DACH1: variants seen among roughly 807,000 people sequenced by gnomAD.
DACH1 encodes dachshund family transcription factor 1.
A neutral mutation model predicts 54.2 loss-of-function variants in DACH1; 12 were observed. That is an observed-to-expected ratio of 0.22 (90% CI 0.14 to 0.36). The LOEUF (loss-of-function observed/expected upper bound fraction) is 0.36. Ranked by LOEUF, DACH1 falls within the 10% of genes least tolerant of loss-of-function variation. DACH1 has a pLI of 1.00. For synonymous variants in DACH1, 386 were observed against 366.2 expected (o/e 1.05, Z -0.62); for missense variants, 805 against 929.8 (o/e 0.87, Z 1.75).
rs1185591101 is a variant in DACH1 at position 71,638,944 on chromosome 13, C to T, written c.965-8227G>A. Reference sequence around the variant, plus strand: ...CATCAAAAAGCATAGTTCAATTCAACAGTCATTACTGTGAAGTAATCTTTC... The same window carrying T: ...CATCAAAAAGCATAGTTCAATTCAATAGTCATTACTGTGAAGTAATCTTTC... On this transcript the variant is annotated intron_variant, in intron 2 of 10. Transcript: ENST00000613252. Among the ~76,000 whole-genome samples, 4 of 152,236 alleles carry T rather than the reference C, an allele frequency of 2.6e-5. No homozygotes were observed. In the East Asian group the frequency reaches 7.7e-4, roughly 29 times the overall value.
chr13:71,519,477 G>T (rs1175143224), intron 6 of DACH1, among the ~76,000 whole-genome samples: 1 of 151,448 alleles, frequency 6.6e-6, no homozygotes, highest in Non-Finnish European at 1.5e-5. Context: ...TTCTCCATTA[G>T]GCAGGTTTCC....
At chr13:71,732,797 C>A (rs543460001) in intron 1 of DACH1, among the ~76,000 whole-genome samples, 17 of 152,172 alleles carry the variant, frequency 1.1e-4, no homozygotes, top group South Asian at 4.2e-4. Flanking sequence ...GCTGGCAAAG[C>A]CTACAGATAT....
chr13:71,475,078 G>A lies in DACH1; in HGVS notation c.2083+63C>T, dbSNP rs1877394542. On this transcript the variant is annotated intron_variant, in intron 10 of 10. Coordinates refer to ENST00000613252, the MANE Select transcript of DACH1 (RefSeq NM_080759.6). Reference sequence around the variant, plus strand: ...GGTAGGCTACATGCTTGAATAGCAGGCTAAAGCTGAGGAAAAACTCATATA... The same window carrying A: ...GGTAGGCTACATGCTTGAATAGCAGACTAAAGCTGAGGAAAAACTCATATA... The A allele has an allele frequency of 1.2e-5, 18 of 1,464,052 alleles. No homozygotes were observed. In the Admixed American group the frequency reaches 2.3e-4, roughly 19 times the overall value. 90.7% of individuals were successfully genotyped at this position (1,464,052 alleles called of 1,614,324 possible). A position where few individuals can be genotyped will look rare whatever the true frequency, so the allele number is the denominator to read the frequency against.
intron 6 of DACH1, 57 bp downstream of exon 6, chr13:71,556,967 T>C: frequency 6.7e-7 from 1 of 1,493,762 alleles, no homozygotes. Context: ...GTGATTAAAA[T>C]CTAGTTCTAA....
chr13:71,559,701 A>G (rs1884466717), intron 5 of DACH1, 119 bp downstream of exon 5: 2 of 1,303,286 alleles, frequency 1.5e-6, no homozygotes, highest in South Asian at 1.3e-5. Context: ...GGCTATTGCT[A>G]CAGAGTTTCA....
intron 1 of DACH1, among the ~76,000 whole-genome samples, chr13:71,865,003 T>A (rs991109455): frequency 1.3e-5 from 2 of 152,054 alleles, no homozygotes; most frequent in African/African-American, 4.8e-5. Context: ...GACAGAGAAC[T>A]CGAAAGAGAG....
intron 1 of DACH1, among the ~76,000 whole-genome samples, chr13:71,705,902 A>G (rs1407301089): frequency 6.6e-6 from 1 of 152,074 alleles, no homozygotes; most frequent in African/African-American, 2.4e-5. Flanking sequence ...CCTTTTCTCC[A>G]TAGCACACTT....
intron 10 of DACH1, among the ~76,000 whole-genome samples, chr13:71,468,659 C>T (rs1025318726): frequency 5.3e-5 from 8 of 152,108 alleles, no homozygotes; most frequent in Non-Finnish European, 1.0e-4. Context: ...CAAATGCATA[C>T]GTCAAAAGAA....
intron 1 of DACH1, among the ~76,000 whole-genome samples, chr13:71,834,531 A>G (rs1383400356): frequency 6.6e-6 from 1 of 152,042 alleles, no homozygotes; most frequent in Non-Finnish European, 1.5e-5. Flanking sequence ...CTATCTATAT[A>G]AAAGAAAGTA....
chr13:71,655,531 C>T (rs889158420), intron 2 of DACH1, among the ~76,000 whole-genome samples: 1 of 151,572 alleles, frequency 6.6e-6, no homozygotes, highest in African/African-American at 2.4e-5. Context: ...CCACCATGCC[C>T]GGCTAATTTT....
At chr13:71,449,528 G>T (rs994078766) in intron 10 of DACH1, among the ~76,000 whole-genome samples, 8 of 151,816 alleles carry the variant, frequency 5.3e-5, no homozygotes, top group African/African-American at 1.9e-4. Flanking sequence ...CCTGTCAGGG[G>T]TTGGGGGCTA....
At chr13:71,461,076 C>T (rs1042696202) in intron 10 of DACH1, among the ~76,000 whole-genome samples, 1 of 152,014 alleles carries the variant, frequency 6.6e-6, no homozygotes, top group African/African-American at 2.4e-5. Context: ...TAAATCAACC[C>T]TTTAAATTAA....
At chr13:71,800,683 T>C (rs1887256912) in intron 1 of DACH1, among the ~76,000 whole-genome samples, 1 of 152,132 alleles carries the variant, frequency 6.6e-6, no homozygotes, top group Non-Finnish European at 1.5e-5. Flanking sequence ...CTGAGACCTC[T>C]GAAAAATATT....
At chr13:71,696,462 A>T (rs1230168744) in intron 1 of DACH1, among the ~76,000 whole-genome samples, 2 of 152,192 alleles carry the variant, frequency 1.3e-5, no homozygotes, top group Admixed American at 1.3e-4. Context: ...GTCCATGCTA[A>T]ATTGCCATGC....
At chr13:71,752,213 A>G (rs1884956512) in intron 1 of DACH1, among the ~76,000 whole-genome samples, 1 of 152,186 alleles carries the variant, frequency 6.6e-6, no homozygotes, top group Non-Finnish European at 1.5e-5. Flanking sequence ...CTTCTGAGCT[A>G]TTACAGTGCA....
At position 71,452,022 on chromosome 13, in the gene DACH1, G is replaced by A. The variant is rs537182271; in HGVS notation, c.2084-11330C>T. Among the ~76,000 whole-genome samples the A allele has an allele frequency of 6.6e-5, 10 of 152,280 alleles. No homozygotes were observed. In the East Asian group the frequency reaches 9.6e-4, roughly 15 times the overall value. On this transcript the variant is annotated intron_variant, in intron 10 of 10. Transcript: ENST00000613252. ...GACAGAGAAAATGCTAAAACACATG[G>A]AGGCAAAATATTAATAATTGATGAA...
At chr13:71,724,406 T>A (rs1337786644) in intron 1 of DACH1, among the ~76,000 whole-genome samples, 3 of 152,152 alleles carry the variant, frequency 2.0e-5, no homozygotes, top group Admixed American at 6.5e-5. Context: ...TAAAATTAAA[T>A]TTATAATAAC....
chr13:71,792,010 G>C (rs1350986195), intron 1 of DACH1, among the ~76,000 whole-genome samples: 2 of 152,046 alleles, frequency 1.3e-5, no homozygotes, highest in Non-Finnish European at 2.9e-5. Flanking sequence ...CACTCATTTG[G>C]TACATGATGA....
intron 3 of DACH1, among the ~76,000 whole-genome samples, chr13:71,599,749 G>A (rs1318648403): frequency 6.6e-6 from 1 of 151,634 alleles, no homozygotes; most frequent in African/African-American, 2.4e-5. Context: ...TACTAATTAT[G>A]CTAATGTTAA....
Sources: allele counts gnomAD v4.1 joint callset (sites outside exome capture counted in the v4.1 genomes callset), GRCh38; gene constraint gnomAD v4.1.1; transcripts MANE v1.5; gene names NCBI Gene and HGNC (gene_info 2026-07-23, HGNC 2026-07-21).